ADK: variants seen among roughly 807,000 people sequenced by gnomAD.
ADK encodes the protein adenosine kinase.
A neutral mutation model predicts 44.7 loss-of-function variants in ADK; 24 were observed. The ratio of observed to expected loss-of-function variants is 0.54; its 90% CI spans 0.39 to 0.76. The LOEUF (loss-of-function observed/expected upper bound fraction) is 0.76, where lower values mean the gene tolerates loss of function less well. ADK is among the 30% of genes least tolerant of loss of function. The pLI, the probability that ADK is intolerant of heterozygous loss-of-function variation, is 0.00. For synonymous variants in ADK, 128 were observed against 142.6 expected (o/e 0.90, Z 0.73); for missense variants, 321 against 425.1 (o/e 0.76, Z 2.15).
chr10:74,355,712 T>C (rs1313900629), intron 4 of ADK, among the ~76,000 whole-genome samples: 1 of 152,214 alleles, frequency 6.6e-6, no homozygotes, highest in East Asian at 1.9e-4. Context: ...ATTTCTATTA[T>C]CTTGTTTACA....
intron 1 of ADK, chr10:74,176,788 G>C: frequency 1.3e-6 from 2 of 1,589,724 alleles, no homozygotes; most frequent in Non-Finnish European, 1.7e-6. Context: ...GAGCCGGGAA[G>C]CAGTTGCTGT....
At chr10:74,520,840 TA>T (rs778239010) in intron 6 of ADK, among the ~76,000 whole-genome samples, 24 of 152,132 alleles carry the variant, frequency 1.6e-4, no homozygotes, top group Non-Finnish European at 3.1e-4. Flanking sequence ...TTATAATGAA[TA>T]CAACAGTCCC....
At chr10:74,370,901 G>T (rs530211148) in intron 4 of ADK, among the ~76,000 whole-genome samples, 2 of 152,098 alleles carry the variant, frequency 1.3e-5, no homozygotes, top group East Asian at 3.9e-4. Context: ...AAATATTTTT[G>T]ATTATGTAGA....
At chr10:74,577,110 C>CTGTGTGTG (rs146683037) in intron 7 of ADK, among the ~76,000 whole-genome samples, 3,486 of 137,362 alleles carry the variant, frequency 0.025, 71 homozygotes, top group Non-Finnish European at 0.032. Flanking sequence ...TATTATTTCT[C>CTGTGTGTG]TGTGTGTGTG....
chr10:74,318,890 A>G (rs1840719679), intron 4 of ADK, among the ~76,000 whole-genome samples: 1 of 152,220 alleles, frequency 6.6e-6, no homozygotes, highest in African/African-American at 2.4e-5. Context: ...CTATGTTTAC[A>G]TGCTTTTGTT....
intron 6 of ADK, among the ~76,000 whole-genome samples, chr10:74,443,473 T>A (rs550423083): frequency 6.6e-6 from 1 of 152,264 alleles, no homozygotes; most frequent in African/African-American, 2.4e-5. Flanking sequence ...ATGATCTCAT[T>A]CATGAAAAGT....
intron 1 of ADK, among the ~76,000 whole-genome samples, chr10:74,159,455 A>G (rs745313693): frequency 7.9e-5 from 12 of 152,198 alleles, no homozygotes; most frequent in Non-Finnish European, 1.5e-4. Flanking sequence ...TCACTGAATT[A>G]GGGATTATCA....
At chr10:74,394,491 A>G (rs1204774749) in intron 5 of ADK, among the ~76,000 whole-genome samples, 178 bp downstream of exon 5, 2 of 152,210 alleles carry the variant, frequency 1.3e-5, no homozygotes, top group African/African-American at 2.4e-5. Flanking sequence ...TTAAACATGC[A>G]GTTGAATTCA....
In ADK at chr10:74,294,153, A is replaced by T. The variant is rs140568399; in HGVS notation, c.195-20514A>T. Among the ~76,000 whole-genome samples, 549 of 151,896 alleles carry T rather than the reference A, an allele frequency of 3.6e-3. 6 individuals carry two copies. The highest frequency in any genetic ancestry group is 0.012 in the African/African-American group (484 of 41,398). On this transcript the variant is annotated intron_variant, in intron 3 of 10. Coordinates refer to ENST00000539909, the MANE Select transcript of ADK (RefSeq NM_006721.4). Reference sequence around the variant, plus strand: ...CTATTCCATCATATGAATTTATCTCAGTTTATTTTTATATTCTACTGTTGA... The same window carrying T: ...CTATTCCATCATATGAATTTATCTCTGTTTATTTTTATATTCTACTGTTGA...
intron 8 of ADK, among the ~76,000 whole-genome samples, chr10:74,590,396 CTT>C (rs771195185): frequency 6.6e-6 from 1 of 152,136 alleles, no homozygotes; most frequent in Admixed American, 6.5e-5. Flanking sequence ...TTGTGAAACT[CTT>C]TTTAAATGTA....
chr10:74,478,905 T>C (rs967934388), intron 6 of ADK, among the ~76,000 whole-genome samples: 2 of 152,254 alleles, frequency 1.3e-5, no homozygotes, highest in African/African-American at 4.8e-5. Flanking sequence ...TACTCAGATA[T>C]GTCTTGGTCT....
intron 2 of ADK, among the ~76,000 whole-genome samples, chr10:74,214,412 T>G (rs189958659): frequency 3.9e-5 from 6 of 152,388 alleles, no homozygotes; most frequent in African/African-American, 1.4e-4. Flanking sequence ...GTTGGGATTC[T>G]TTGGACTATG....
intron 8 of ADK, among the ~76,000 whole-genome samples, chr10:74,599,550 G>C (rs1013731104): frequency 6.6e-6 from 1 of 152,134 alleles, no homozygotes; most frequent in Admixed American, 6.5e-5. Flanking sequence ...TGTTAGCAAA[G>C]CCCAAAACTA....
At chr10:74,557,448 T>C (rs1850299900) in intron 7 of ADK, among the ~76,000 whole-genome samples, 1 of 152,240 alleles carries the variant, frequency 6.6e-6, no homozygotes, top group African/African-American at 2.4e-5. Context: ...TGAATGTTAT[T>C]TCTTTTTTCT....
At chr10:74,576,023 G>C (rs1179052117) in intron 7 of ADK, among the ~76,000 whole-genome samples, 1 of 152,042 alleles carries the variant, frequency 6.6e-6, no homozygotes, top group Non-Finnish European at 1.5e-5. Context: ...AGAAAGTGAG[G>C]CAGGATATCT....
chr10:74,611,163 A>G (rs1415420464), intron 9 of ADK, among the ~76,000 whole-genome samples: 5 of 150,738 alleles, frequency 3.3e-5, no homozygotes, highest in South Asian at 2.1e-4. Context: ...AGCCGGGACT[A>G]CAGGTGCCTA....
intron 1 of ADK, among the ~76,000 whole-genome samples, chr10:74,164,111 T>C (rs149590328): frequency 6.6e-6 from 1 of 152,362 alleles, no homozygotes; most frequent in African/African-American, 2.4e-5. Flanking sequence ...GTGATGAAAT[T>C]CTACTTTGTC....
chr10:74,568,622 C>T (rs960233443), intron 7 of ADK, among the ~76,000 whole-genome samples: 46 of 149,926 alleles, frequency 3.1e-4, no homozygotes, highest in African/African-American at 1.1e-3. Flanking sequence ...GCTGGTTGCC[C>T]ATTTCTATGG....
intron 6 of ADK, among the ~76,000 whole-genome samples, chr10:74,447,721 C>T (rs141977749): frequency 3.5e-4 from 53 of 152,242 alleles, no homozygotes; most frequent in African/African-American, 1.1e-3. Flanking sequence ...CATGATAGCA[C>T]TTACCTCAAA....
Sources: allele counts gnomAD v4.1 joint callset (sites outside exome capture counted in the v4.1 genomes callset), GRCh38; gene constraint gnomAD v4.1.1; transcripts MANE v1.5; gene names NCBI Gene and HGNC (gene_info 2026-07-23, HGNC 2026-07-21).